Variants in RALYL observed in about 807,000 individuals in gnomAD.
RALYL encodes the protein RALY RNA binding protein like, also known as RNA-binding Raly-like protein.
RALYL carries 29 observed loss-of-function variants against 35.1 expected under a neutral mutation model. The observed-to-expected ratio is 0.83, with a 90% CI of 0.61 to 1.13. The LOEUF is 1.13. Ranked by LOEUF, RALYL falls within the 50% of genes most tolerant of loss-of-function variation. The pLI is 0.00. For synonymous variants in RALYL, 120 were observed against 127.6 expected (o/e 0.94, Z 0.40); for missense variants, 359 against 360.4 (o/e 1.00, Z 0.03).
chr8:84,312,997 A>T (rs540509469), intron 1 of RALYL, among the ~76,000 whole-genome samples: 1 of 152,344 alleles, frequency 6.6e-6, no homozygotes, highest in South Asian at 2.1e-4. Context: ...ATGGACATCC[A>T]GGCATTTCCA....
chr8:84,577,238 TA>T (rs1809678736), intron 2 of RALYL, among the ~76,000 whole-genome samples: 2 of 152,234 alleles, frequency 1.3e-5, no homozygotes, highest in South Asian at 4.1e-4. Context: ...ACTATCCACA[TA>T]TTTTGCAAGG....
At chr8:84,212,995 A>G (rs1361067320) in intron 1 of RALYL, among the ~76,000 whole-genome samples, 1 of 152,238 alleles carries the variant, frequency 6.6e-6, no homozygotes, top group Non-Finnish European at 1.5e-5. Context: ...ATTATTCTTT[A>G]TAACATGCCT....
chr8:84,766,148 T>C (rs898286772), intron 2 of RALYL, among the ~76,000 whole-genome samples: 1 of 152,090 alleles, frequency 6.6e-6, no homozygotes, highest in African/African-American at 2.4e-5. Context: ...AATAAATAAA[T>C]ATAAAATATT....
Position 84,649,247 on chromosome 8 carries a change from G to A in RALYL, c.256+119670G>A, listed in dbSNP as rs113898790. On this transcript the variant is annotated intron_variant, in intron 2 of 8. Coordinates refer to ENST00000521268, the MANE Select transcript of RALYL (RefSeq NM_173848.7). The stretch of plus-strand genomic sequence containing the variant: ...TTTTAGGTTGCCTGTTCACTCTGAT[G>A]GTAGTTTCTTTTGCTGTGCAGAAGC... Among the ~76,000 whole-genome samples, 323 of 152,068 alleles carry A rather than the reference G, an allele frequency of 2.1e-3. 1 individual carries two copies. The highest frequency in any genetic ancestry group is 7.3e-3 in the African/African-American group (302 of 41,500).
intron 4 of RALYL, among the ~76,000 whole-genome samples, chr8:84,818,950 C>G (rs182116255): frequency 3.9e-5 from 6 of 152,202 alleles, no homozygotes; most frequent in African/African-American, 1.4e-4. Context: ...AGTGTTGAAA[C>G]TAAGGGAAGG....
At chr8:84,329,748 G>T (rs1846474814) in intron 1 of RALYL, among the ~76,000 whole-genome samples, 1 of 151,954 alleles carries the variant, frequency 6.6e-6, no homozygotes, top group African/African-American at 2.4e-5. Context: ...GATTCTATTA[G>T]AACTTCTATA....
At chr8:84,778,091 TGGCAA>T (rs1817272682) in intron 3 of RALYL, among the ~76,000 whole-genome samples, 1 of 152,126 alleles carries the variant, frequency 6.6e-6, no homozygotes, top group South Asian at 2.1e-4. Context: ...GCATAGAAAA[TGGCAA>T]GAACAGGGTG....
At chr8:84,911,119 G>A (rs1847444087) in intron 8 of RALYL, among the ~76,000 whole-genome samples, 1 of 151,930 alleles carries the variant, frequency 6.6e-6, no homozygotes, top group African/African-American at 2.4e-5. Flanking sequence ...GGAAATCTGA[G>A]GCTTAATTTC....
intron 2 of RALYL, among the ~76,000 whole-genome samples, chr8:84,643,514 A>C (rs905943022): frequency 9.9e-5 from 15 of 151,930 alleles, no homozygotes; most frequent in Non-Finnish European, 2.9e-5. Flanking sequence ...AAATTCCCTA[A>C]CGTTCCAGCC....
chr8:84,648,225 C>T (rs1375239399), intron 2 of RALYL, among the ~76,000 whole-genome samples: 1 of 152,080 alleles, frequency 6.6e-6, no homozygotes, highest in Non-Finnish European at 1.5e-5. Flanking sequence ...CCTGCAGACA[C>T]ATTAAAGCAA....
intron 1 of RALYL, among the ~76,000 whole-genome samples, chr8:84,358,527 A>C (rs1307317280): frequency 1.3e-5 from 2 of 152,052 alleles, no homozygotes; most frequent in Admixed American, 1.3e-4. Flanking sequence ...AAAAGATGAA[A>C]GAAGAGATTA....
chr8:84,369,853 A>T (rs1855323903), intron 1 of RALYL, among the ~76,000 whole-genome samples: 1 of 152,168 alleles, frequency 6.6e-6, no homozygotes, highest in Non-Finnish European at 1.5e-5. Flanking sequence ...TCCCAAAGAA[A>T]ACTATTTAGG....
At chr8:84,820,310 G>T (rs1248650851) in intron 4 of RALYL, among the ~76,000 whole-genome samples, 1 of 152,088 alleles carries the variant, frequency 6.6e-6, no homozygotes, top group Non-Finnish European at 1.5e-5. Context: ...GTCTAAATTA[G>T]CCAAACTAAT....
intron 3 of RALYL, among the ~76,000 whole-genome samples, chr8:84,796,881 T>G (rs914138608): frequency 6.6e-6 from 1 of 152,226 alleles, no homozygotes; most frequent in Non-Finnish European, 1.5e-5. Context: ...AGATGAAATA[T>G]ATGGCCAGTG....
chr8:84,515,681 C>A (rs2058004111), intron 1 of RALYL, among the ~76,000 whole-genome samples: 1 of 152,016 alleles, frequency 6.6e-6, no homozygotes, highest in South Asian at 2.1e-4. Flanking sequence ...ACAGTGATTA[C>A]CATCTTTGCA....
At chr8:84,401,328 A>G (rs1328828375) in intron 1 of RALYL, among the ~76,000 whole-genome samples, 1 of 152,032 alleles carries the variant, frequency 6.6e-6, no homozygotes, top group African/African-American at 2.4e-5. Context: ...TTTACTCACC[A>G]TTATGGAACA....
intron 2 of RALYL, among the ~76,000 whole-genome samples, chr8:84,765,516 C>T (rs1330971598): frequency 6.6e-6 from 1 of 152,108 alleles, no homozygotes; most frequent in Non-Finnish European, 1.5e-5. Flanking sequence ...TTCTCAGTAT[C>T]TCAAACATCT....
At chr8:84,451,399 A>G (rs912002716) in intron 1 of RALYL, among the ~76,000 whole-genome samples, 1 of 151,956 alleles carries the variant, frequency 6.6e-6, no homozygotes, top group Admixed American at 6.6e-5. Flanking sequence ...ACTGTAATAT[A>G]TTTTCAGGTC....
chr8:84,605,580 G>C (rs1448750584), intron 2 of RALYL, among the ~76,000 whole-genome samples: 1 of 152,034 alleles, frequency 6.6e-6, no homozygotes, highest in Admixed American at 6.6e-5. Flanking sequence ...TTTTCTAGGT[G>C]ATCCTGACTC....
Sources: allele counts gnomAD v4.1 joint callset (sites outside exome capture counted in the v4.1 genomes callset), GRCh38; gene constraint gnomAD v4.1.1; transcripts MANE v1.5; gene names NCBI Gene and HGNC (gene_info 2026-07-23, HGNC 2026-07-21).